Variants in DNAH9 observed in about 807,000 individuals in gnomAD.
The protein encoded by DNAH9 is dynein axonemal heavy chain 9, also known as DNAH9 variant protein.
DNAH9 carries 345 observed loss-of-function variants against 471.6 expected under a neutral mutation model. The ratio of observed to expected loss-of-function variants is 0.73; its 90% CI spans 0.67 to 0.80. The LOEUF is 0.80. Among genes scored for constraint, DNAH9 ranks in the 30% least tolerant of loss-of-function variants. The probability of loss-of-function intolerance (pLI) is 0.00; values close to 1 mark genes in which losing one functional copy is unlikely to be tolerated. For missense variants in DNAH9, 5,407 were observed against 5,609.2 expected, an observed-to-expected ratio of 0.96 and a Z score of 1.15; for synonymous variants, 2,093 against 2,123.6, an observed-to-expected ratio of 0.99 and a Z score of 0.40.
At chr17:11,825,911 T>G (rs1472170885) in intron 48 of DNAH9, among the ~76,000 whole-genome samples, 2 of 152,200 alleles carry the variant, frequency 1.3e-5, no homozygotes, top group Non-Finnish European at 2.9e-5. Context: ...TTTTCTTGAC[T>G]AAATATGGTT....
chr17:11,619,920 T>C, intron 6 of DNAH9, 139 bp downstream of exon 6: 1 of 619,940 alleles, frequency 1.6e-6, no homozygotes, highest in Non-Finnish European at 2.9e-6. Flanking sequence ...TAATAAAGGT[T>C]CAATTGGCCA....
chr17:11,628,598 G>C, intron 6 of DNAH9, among the ~76,000 whole-genome samples: 1 of 152,202 alleles, frequency 6.6e-6, no homozygotes, highest in Non-Finnish European at 1.5e-5. Flanking sequence ...CAGGAGATGT[G>C]TTTGCTTGGC....
chr17:11,823,929 C>CAAAA (rs369941815), intron 48 of DNAH9, among the ~76,000 whole-genome samples: 4,564 of 128,484 alleles, frequency 0.036, 255 homozygotes, highest in African/African-American at 0.13. Flanking sequence ...GACTCCATCT[C>CAAAA]AAAAAAAAAA....
intron 49 of DNAH9, among the ~76,000 whole-genome samples, chr17:11,837,850 A>C (rs1198668184): frequency 6.6e-6 from 1 of 152,172 alleles, no homozygotes; most frequent in Non-Finnish European, 1.5e-5. Context: ...GCTGGGTCTC[A>C]AATGTTCCAA....
At chr17:11,771,334 G>C (rs929697970) in intron 38 of DNAH9, among the ~76,000 whole-genome samples, 1 of 152,162 alleles carries the variant, frequency 6.6e-6, no homozygotes, top group African/African-American at 2.4e-5. Context: ...TCACCATGTT[G>C]GCCAGGCTGG....
intron 61 of DNAH9, among the ~76,000 whole-genome samples, chr17:11,915,326 C>A (rs912062864): frequency 6.6e-6 from 1 of 152,086 alleles, no homozygotes; most frequent in Non-Finnish European, 1.5e-5. Context: ...GAGATCGATA[C>A]CAACCTGTCC....
At chr17:11,818,428 T>TAA (rs1555602557) in intron 45 of DNAH9, among the ~76,000 whole-genome samples, 2 of 139,946 alleles carry the variant, frequency 1.4e-5, no homozygotes, top group African/African-American at 2.6e-5. Context: ...ACTCCGTATT[T>TAA]AAAAAAAAAA....
At chr17:11,702,684 T>A (rs1033340914) in intron 24 of DNAH9, among the ~76,000 whole-genome samples, 1 of 152,186 alleles carries the variant, frequency 6.6e-6, no homozygotes, top group East Asian at 1.9e-4. Context: ...TTCTAAGAGA[T>A]GAAGCAAAAT....
At position 11,669,641 on chromosome 17, in the gene DNAH9, C is replaced by T. The variant is rs200139406; in HGVS notation, c.3200C>T (p.Thr1067Met). 26 of 1,614,040 alleles carry T rather than the reference C, an allele frequency of 1.6e-5. No individual in the cohort carries two copies. The highest frequency in any genetic ancestry group is 5.3e-5 in the African/African-American group (4 of 74,896). Residue 1067 changes from threonine to methionine, a missense_variant, in exon 17 of 69, where the codon ACG (threonine) becomes ATG (methionine). This residue lies in a region of DNAH9 where 4,636 missense variants were observed against 4,900.3 expected (regional missense o/e 0.95). Transcript: ENST00000262442. ...QFKVQIDSYETLYEEVCRLEP... is the reference protein window; with the variant it reads ...QFKVQIDSYEMLYEEVCRLEP... ...AAAGTGCAAATCGACTCCTATGAAA[C>T]GCTCTATGAAGAGGTGTGCAGGCTG...
intron 50 of DNAH9, among the ~76,000 whole-genome samples, chr17:11,861,810 G>A (rs1971859347): frequency 6.6e-6 from 1 of 151,830 alleles, no homozygotes; most frequent in South Asian, 2.1e-4. Flanking sequence ...TTTTTTGGCT[G>A]CATAAATGTC....
chr17:11,733,729 G>C (rs1401092456), intron 28 of DNAH9, among the ~76,000 whole-genome samples: 1 of 151,774 alleles, frequency 6.6e-6, no homozygotes, highest in Non-Finnish European at 1.5e-5. Context: ...ATGGTGGTGG[G>C]AGCCTGTAGT....
In DNAH9 at chr17:11,797,968, G is replaced by C. The variant is rs73975507; in HGVS notation, c.8420+175G>C. On this transcript the variant is annotated intron_variant, in intron 43 of 68. Coordinates refer to ENST00000262442, the MANE Select transcript of DNAH9 (RefSeq NM_001372.4). ...CTGCAGCTCCTGCCGCAGACCCTAG[G>C]GGGCAGCACAGTGCGGAGCTCAGGC... 5.1e-3 allele frequency among the ~76,000 whole-genome samples: 774 copies of C among 152,216 alleles called. 8 individuals carry two copies. The highest frequency in any genetic ancestry group is 0.018 in the African/African-American group (741 of 41,544).
chr17:11,766,372 A>C (rs1967937250), intron 36 of DNAH9, among the ~76,000 whole-genome samples: 1 of 152,086 alleles, frequency 6.6e-6, no homozygotes, highest in Admixed American at 6.6e-5. Flanking sequence ...TCGGAAACGT[A>C]AGGTAGAGAA....
At chr17:11,700,388 C>T (rs1015432036) in intron 23 of DNAH9, among the ~76,000 whole-genome samples, 4 of 152,286 alleles carry the variant, frequency 2.6e-5, no homozygotes, top group African/African-American at 9.6e-5. Flanking sequence ...TACCACCGTG[C>T]TCCAGGAACT....
intron 55 of DNAH9, among the ~76,000 whole-genome samples, chr17:11,882,642 C>T (rs1157658495): frequency 6.6e-6 from 1 of 152,196 alleles, no homozygotes; most frequent in African/African-American, 2.4e-5. Flanking sequence ...ATGGAATCTA[C>T]ACTCTAGTGG....
At position 11,933,945 on chromosome 17, in the gene DNAH9, C is replaced by A; in HGVS notation, c.12363C>A (p.Asp4121Glu). 3 of 1,614,184 alleles carry A rather than the reference C, an allele frequency of 1.9e-6. No homozygotes were observed. The South Asian group carries it at 3.3e-5, about 18-fold the overall frequency. The change falls in exon 65 of 69, where the codon GAC (aspartate) becomes GAA (glutamate). Residue 4121 changes from aspartate to glutamate, a missense_variant. By Grantham distance (45) the Asp-to-Glu change is conservative. This residue lies in a region of DNAH9 where 4,636 missense variants were observed against 4,900.3 expected (regional missense o/e 0.95). Transcript: ENST00000262442. ...TGTATGGAGGCCATATCACAGATGA[C>A]TGGGACAGAAGACTCTGCAGAACCT... Reference protein sequence around the residue: ...EIMYGGHITDDWDRRLCRTYL... With the variant: ...EIMYGGHITDEWDRRLCRTYL...
intron 8 of DNAH9, among the ~76,000 whole-genome samples, chr17:11,633,093 G>C (rs920109124): frequency 2.0e-5 from 3 of 152,096 alleles, no homozygotes; most frequent in African/African-American, 7.2e-5. Context: ...TTCAGGCATC[G>C]ATAACTGGAA....
At chr17:11,730,279 G>A (rs2075236042) in intron 28 of DNAH9, among the ~76,000 whole-genome samples, 1 of 152,086 alleles carries the variant, frequency 6.6e-6, no homozygotes, top group Non-Finnish European at 1.5e-5. Context: ...GCTTGAAATG[G>A]GCTATGGTGA....
At chr17:11,847,188 G>T (rs1971256790) in intron 49 of DNAH9, among the ~76,000 whole-genome samples, 1 of 152,044 alleles carries the variant, frequency 6.6e-6, no homozygotes, top group Non-Finnish European at 1.5e-5. Flanking sequence ...AGTTTTCTTT[G>T]CTGTGCAGAA....
Sources: allele counts gnomAD v4.1 joint callset (sites outside exome capture counted in the v4.1 genomes callset), GRCh38; gene constraint gnomAD v4.1.1; regional missense constraint gnomAD v4.1.1; transcripts MANE v1.5; gene names NCBI Gene and HGNC (gene_info 2026-07-23, HGNC 2026-07-21).